Variants in PCCA observed in about 807,000 individuals in gnomAD.
The protein encoded by PCCA is propionyl-CoA carboxylase subunit alpha, also known as propionyl-CoA carboxylase alpha chain, mitochondrial.
Under a neutral mutation model 101.3 loss-of-function variants are expected in PCCA, and 74 were observed. The ratio of observed to expected loss-of-function variants is 0.73; its 90% confidence interval spans 0.61 to 0.89. The LOEUF (loss-of-function observed/expected upper bound fraction) is 0.89, where lower values mean the gene tolerates loss of function less well. Among genes scored for constraint, PCCA ranks in the 40% least tolerant of loss-of-function variants. The pLI is 0.00. For missense variants in PCCA, 891 were observed against 907.0 expected (o/e 0.98, Z 0.23); for synonymous variants, 294 against 313.6 (o/e 0.94, Z 0.66).
At chr13:100,147,125 A>G (rs745797649) in intron 4 of PCCA, among the ~76,000 whole-genome samples, 12 of 152,220 alleles carry the variant, frequency 7.9e-5, no homozygotes, top group Non-Finnish European at 1.6e-4. Flanking sequence ...TTATTTCTGC[A>G]TATCCATATG....
At chr13:100,399,007 A>C (rs1425064770) in intron 19 of PCCA, among the ~76,000 whole-genome samples, 4 of 152,158 alleles carry the variant, frequency 2.6e-5, no homozygotes, top group Admixed American at 2.6e-4. Flanking sequence ...AAAAAAGATG[A>C]AATAGACGCA....
At chr13:100,309,779 T>C in intron 15 of PCCA, 54 bp from the exon 16 acceptor site, 1 of 1,117,858 alleles carries the variant, frequency 8.9e-7, no homozygotes, top group Non-Finnish European at 1.3e-6. Flanking sequence ...ATGAATCATT[T>C]AACATAGTTC....
chr13:100,235,990 A>C (rs1439860756), intron 8 of PCCA, 112 bp downstream of exon 8: 2 of 744,856 alleles, frequency 2.7e-6, no homozygotes, highest in African/African-American at 1.7e-5. Context: ...ATAGTTTTAG[A>C]TTTTGATTAC....
At chr13:100,423,063 G>T (rs1382287422) in intron 19 of PCCA, among the ~76,000 whole-genome samples, 1 of 150,802 alleles carries the variant, frequency 6.6e-6, no homozygotes, top group Non-Finnish European at 1.5e-5. Flanking sequence ...TTTTCTGAGT[G>T]TTGTTTATGT....
chr13:100,179,522 G>A (rs1462570080), intron 6 of PCCA, among the ~76,000 whole-genome samples: 2 of 152,112 alleles, frequency 1.3e-5, no homozygotes, highest in African/African-American at 4.8e-5. Flanking sequence ...AGCTCAGTTT[G>A]GTCATGAATA....
chr13:100,209,775 G>A lies in PCCA; in HGVS notation c.600+312G>A, dbSNP rs545470718. Among the ~76,000 whole-genome samples, 53 of 152,026 alleles carry A rather than the reference G, an allele frequency of 3.5e-4. 1 individual carries two copies. The East Asian group carries it at 8.7e-3, about 25-fold the overall frequency. On this transcript the variant is annotated intron_variant, in intron 7 of 23. Transcript: ENST00000376285. ...GCCTCCCGAGTAGCTGGGATTGCAG[G>A]TGCCTGCCACCATGCCCAGCTAATT...
In PCCA at chr13:100,273,275, G is replaced by A; in HGVS notation, c.994G>A (p.Ala332Thr). 1 of 1,612,130 alleles carries A rather than the reference G, an allele frequency of 6.2e-7. No homozygotes were observed. The highest frequency in any genetic ancestry group is 1.7e-4 in the Middle Eastern group (1 of 6,058). ...TGCCAGAGCAGTAAAATATTCCTCTGCTGGGACCGTGGAGTTCCTTGTGGA... is the reference window on the plus strand; with the variant it reads ...TGCCAGAGCAGTAAAATATTCCTCTACTGGGACCGTGGAGTTCCTTGTGGA... ...ALARAVKYSS[A>T]GTVEFLVDSK... Residue 332 changes from alanine to threonine, a missense_variant, in exon 12 of 24, where the codon GCT becomes ACT. Coordinates refer to ENST00000376285, the MANE Select transcript of PCCA (RefSeq NM_000282.4).
At chr13:100,396,153 T>C (rs535472625) in intron 19 of PCCA, among the ~76,000 whole-genome samples, 1 of 152,302 alleles carries the variant, frequency 6.6e-6, no homozygotes, top group African/African-American at 2.4e-5. Context: ...AAAAGTTACT[T>C]AGCCTCCCTG....
intron 22 of PCCA, among the ~76,000 whole-genome samples, chr13:100,526,827 A>T (rs2087869294): frequency 6.6e-6 from 1 of 152,254 alleles, no homozygotes; most frequent in Non-Finnish European, 1.5e-5. Flanking sequence ...AGTGGGCTTA[A>T]CCCAGCTCAG....
At chr13:100,340,011 G>T in intron 17 of PCCA, 146 bp from the exon 18 acceptor site, 1 of 686,872 alleles carries the variant, frequency 1.5e-6, no homozygotes, top group Non-Finnish European at 2.7e-6. Context: ...CTCAATGTCC[G>T]CACACCCCAG....
At chr13:100,441,003 G>A (rs1473646843) in intron 20 of PCCA, among the ~76,000 whole-genome samples, 1 of 152,178 alleles carries the variant, frequency 6.6e-6, no homozygotes, top group Non-Finnish European at 1.5e-5. Flanking sequence ...ATGGTATAAA[G>A]TATTAATTTT....
chr13:100,097,625 G>A (rs183492628), intron 1 of PCCA, among the ~76,000 whole-genome samples: 1,771 of 151,328 alleles, frequency 0.012, 21 homozygotes, highest in Non-Finnish European at 0.019. Flanking sequence ...AGGCTGAGAC[G>A]GGAGAATTGC....
At chr13:100,283,624 A>G (rs531857637) in intron 12 of PCCA, among the ~76,000 whole-genome samples, 6 of 152,124 alleles carry the variant, frequency 3.9e-5, no homozygotes, top group Non-Finnish European at 8.8e-5. Flanking sequence ...CCCTGAACAA[A>G]ATCTAGAGGC....
chr13:100,427,955 T>C (rs1413200718), intron 20 of PCCA, among the ~76,000 whole-genome samples: 20 of 152,308 alleles, frequency 1.3e-4, no homozygotes, highest in Admixed American at 9.8e-4. Context: ...ATCTTCACAA[T>C]TGTATGAAGT....
chr13:100,155,097 G>T lies in PCCA; in HGVS notation c.414+5G>T. On this transcript the variant is annotated splice_donor_5th_base_variant and intron_variant, in intron 5 of 23. Coordinates refer to ENST00000376285, the MANE Select transcript of PCCA (RefSeq NM_000282.4). ...AAGAAAACCAGGGCCCAAGCTGTGA[G>T]TCTGAATGAATCTATCTACTGCAGC... is the stretch of plus-strand genomic sequence containing the variant. The T allele has an allele frequency of 1.3e-6, 2 of 1,565,562 alleles. No individual in the cohort carries two copies. The highest frequency in any genetic ancestry group is 1.8e-6 in the Non-Finnish European group (2 of 1,135,814).
intron 21 of PCCA, among the ~76,000 whole-genome samples, chr13:100,492,858 G>GGAA (rs980986667): frequency 6.6e-6 from 1 of 151,528 alleles, no homozygotes; most frequent in Non-Finnish European, 1.5e-5. Context: ...AAACTCCAGG[G>GGAA]GAAAGATCAT....
chr13:100,302,924 G>C lies in PCCA; in HGVS notation c.1210G>C (p.Asp404His). 1 of 1,578,430 alleles carries C rather than the reference G, an allele frequency of 6.3e-7. No homozygotes were observed. The highest frequency in any genetic ancestry group is 1.1e-5 in the South Asian group (1 of 90,390). The change falls in exon 14 of 24, where the codon GAC (aspartate) becomes CAC (histidine). Residue 404 changes from aspartate to histidine, a missense_variant and splice_region_variant. Asp to His is a moderately conservative substitution (Grantham distance 81). Coordinates refer to ENST00000376285, the MANE Select transcript of PCCA (RefSeq NM_000282.4). ...TGCTTCCTTTCCTTTGAACTTTCAG[G>C]ACCCCTACAAGTCTTTTGGTTTACC... ...WAVECRVYAEDPYKSFGLPSI... is the reference protein window; with the variant it reads ...WAVECRVYAEHPYKSFGLPSI...
chr13:100,412,832 A>G (rs1164868770), intron 19 of PCCA, among the ~76,000 whole-genome samples: 1 of 152,186 alleles, frequency 6.6e-6, no homozygotes, highest in African/African-American at 2.4e-5. Context: ...ATGATAGCAA[A>G]CAAATGAAAA....
intron 22 of PCCA, among the ~76,000 whole-genome samples, chr13:100,527,101 GT>G (rs912770452): frequency 5.6e-4 from 81 of 145,220 alleles, no homozygotes; most frequent in Admixed American, 5.5e-4. Flanking sequence ...TTTGGTGGTG[GT>G]TTTTTTTTTT....
Sources: gnomAD v4.1 joint callset for allele counts (sites outside exome capture counted in the v4.1 genomes callset) on GRCh38, gnomAD v4.1.1 for gene constraint, MANE v1.5 for transcripts, NCBI Gene and HGNC (gene_info 2026-07-23, HGNC 2026-07-21) for gene names.